Variants in SENP1 observed in about 807,000 individuals in gnomAD.
SENP1 encodes SUMO specific peptidase 1, also known as sentrin-specific protease 1.
In SENP1, 21 loss-of-function variants were observed where a neutral mutation model predicts 93.0. The ratio of observed to expected loss-of-function variants is 0.23; its 90% CI spans 0.16 to 0.33. The LOEUF (loss-of-function observed/expected upper bound fraction) is 0.33, where lower values mean the gene tolerates loss of function less well. SENP1 is among the 10% of genes least tolerant of loss of function. The pLI is 1.00. For missense variants in SENP1, 591 were observed against 758.7 expected (o/e 0.78, Z 2.60); for synonymous variants, 256 against 259.6 (o/e 0.99, Z 0.13).
At chr12:48,093,786 G>T (rs975644394) in intron 4 of SENP1, among the ~76,000 whole-genome samples, 8 of 150,820 alleles carry the variant, frequency 5.3e-5, no homozygotes, top group African/African-American at 1.9e-4. Context: ...ACAACATGGC[G>T]AAACTCCGTC....
In SENP1 at chr12:48,066,836, A is replaced by G. The variant is rs1046143329; in HGVS notation, c.1034+91T>C. The G allele has an allele frequency of 6.3e-6, 7 of 1,106,854 alleles. No individual in the cohort carries two copies. The African/African-American group carries it at 9.4e-5, about 15-fold the overall frequency. 68.6% of individuals were successfully genotyped at this position (1,106,854 alleles called of 1,614,324 possible). A position where few individuals can be genotyped will look rare whatever the true frequency, so the allele number is the denominator to read the frequency against. ...CTAAACAGGTACTTCTTATTGGCAA[A>G]AAATAAGCAGGATGATTAGCTAATT... On this transcript the variant is annotated intron_variant, in intron 10 of 17. Coordinates refer to ENST00000549518, the MANE Select transcript of SENP1 (RefSeq NM_001267594.2).
chr12:48,051,297 T>A (rs1941798971), intron 13 of SENP1, among the ~76,000 whole-genome samples: 1 of 152,158 alleles, frequency 6.6e-6, no homozygotes, highest in Admixed American at 6.5e-5. Flanking sequence ...CACCATGGTA[T>A]CTGTTCCCTT....
intron 1 of SENP1, chr12:48,105,485 C>T: frequency 3.9e-6 from 2 of 519,052 alleles, no homozygotes; most frequent in Non-Finnish European, 7.7e-6. Flanking sequence ...ACGTTTCTTT[C>T]TGATGGTGGC....
chr12:48,090,059 C>T (rs1945123513), intron 4 of SENP1, among the ~76,000 whole-genome samples: 1 of 152,172 alleles, frequency 6.6e-6, no homozygotes, highest in African/African-American at 2.4e-5. Context: ...GGTATTAGCA[C>T]TTGTTAATTC....
intron 10 of SENP1, among the ~76,000 whole-genome samples, chr12:48,065,889 G>A (rs908101367): frequency 3.9e-5 from 6 of 152,108 alleles, no homozygotes; most frequent in African/African-American, 1.4e-4. Flanking sequence ...TTTTTATAGA[G>A]ATAGGGTCTC....
chr12:48,093,653 G>T (rs150835856), intron 4 of SENP1, among the ~76,000 whole-genome samples: 231 of 150,920 alleles, frequency 1.5e-3, no homozygotes, highest in Admixed American at 6.1e-3. Flanking sequence ...TTGGATTTTG[G>T]AATTGCACAT....
At chr12:48,080,916 C>A (rs1394876849) in intron 6 of SENP1, among the ~76,000 whole-genome samples, 3 of 152,166 alleles carry the variant, frequency 2.0e-5, no homozygotes, top group African/African-American at 7.2e-5. Flanking sequence ...GAGAACTCCA[C>A]CTTCATGTTC....
intron 16 of SENP1, 70 bp from the exon 17 acceptor site, chr12:48,046,521 C>T (rs1171654839): frequency 1.9e-6 from 2 of 1,079,060 alleles, no homozygotes; most frequent in Non-Finnish European, 2.9e-6. Context: ...AAAATAAGAA[C>T]CAAAAGATAT....
At chr12:48,090,428 T>C (rs897835589) in intron 4 of SENP1, among the ~76,000 whole-genome samples, 1 of 152,138 alleles carries the variant, frequency 6.6e-6, no homozygotes, top group African/African-American at 2.4e-5. Context: ...CTCAACGGCA[T>C]GTGACAGAGA....
intron 3 of SENP1, chr12:48,097,635 A>C (rs1253836299): frequency 6.2e-6 from 1 of 161,258 alleles, no homozygotes; most frequent in Non-Finnish European, 1.4e-5. Flanking sequence ...CAGGCATTAT[A>C]GCACAGACAT....
intron 2 of SENP1, among the ~76,000 whole-genome samples, chr12:48,100,052 A>C (rs1196083019): frequency 6.6e-6 from 1 of 152,220 alleles, no homozygotes; most frequent in African/African-American, 2.4e-5. Flanking sequence ...AGGAGAAGGC[A>C]GACTAAGGAA....
In SENP1 at chr12:48,096,378, G is replaced by T. The variant is rs759032437; in HGVS notation, c.185C>A (p.Thr62Lys). 4.3e-6 allele frequency: 7 copies of T among 1,610,064 alleles called. No homozygotes were observed. Among genetic ancestry groups the T allele is most frequent in the Non-Finnish European group, 1.7e-6 (2 of 1,176,596 alleles). ...GCTTGGATTATAAGCTGCACTTCTT[G>T]TGGAACATGTAAAAGATCGGTCCAA... ...GHLDRSFTCS[T>K]RSAAYNPSYY... Residue 62 changes from threonine to lysine, a missense_variant, in exon 4 of 18, where the codon ACA becomes AAA. By Grantham distance (78) the Thr-to-Lys change is moderately conservative (BLOSUM62 -1). Around this residue, in one of 4 missense-constraint regions of SENP1, gnomAD observed 214 missense variants for 243.4 expected, o/e 0.88. Transcript: ENST00000549518.
chr12:48,101,635 A>C, intron 1 of SENP1, 119 bp from the exon 2 acceptor site: 1 of 587,904 alleles, frequency 1.7e-6, no homozygotes, highest in Non-Finnish European at 2.9e-6. Context: ...GAAAAATCTA[A>C]GGTGGTAAAG....
intron 14 of SENP1, among the ~76,000 whole-genome samples, chr12:48,048,322 A>C (rs10875732): frequency 0.17 from 25,560 of 152,204 alleles, 2,489 homozygotes; most frequent in East Asian, 0.28. Context: ...GCCTTTTTCT[A>C]ATGTTCATTC....
chr12:48,098,643 CAAA>C (rs749908469), intron 2 of SENP1, among the ~76,000 whole-genome samples: 4 of 109,328 alleles, frequency 3.7e-5, no homozygotes, highest in Admixed American at 9.3e-5. Flanking sequence ...AACTCCATCT[CAAA>C]AAAAAAAAAA....
chr12:48,053,629 C>A (rs545540481), intron 13 of SENP1, among the ~76,000 whole-genome samples: 2 of 152,126 alleles, frequency 1.3e-5, no homozygotes, highest in African/African-American at 4.8e-5. Context: ...AGAATATGCT[C>A]TCTACACACC....
At chr12:48,050,047 C>T (rs1477826389) in intron 13 of SENP1, among the ~76,000 whole-genome samples, 1 of 152,100 alleles carries the variant, frequency 6.6e-6, no homozygotes, top group Non-Finnish European at 1.5e-5. Context: ...TCCATTAGGT[C>T]CAGGACTCTT....
At chr12:48,094,861 C>G (rs1482204928) in intron 4 of SENP1, among the ~76,000 whole-genome samples, 2 of 152,036 alleles carry the variant, frequency 1.3e-5, no homozygotes. Flanking sequence ...CAAACATAGC[C>G]TGAGTTCAAA....
At chr12:48,060,186 T>C (rs113991290) in intron 13 of SENP1, among the ~76,000 whole-genome samples, 1 of 152,222 alleles carries the variant, frequency 6.6e-6, no homozygotes, top group East Asian at 1.9e-4. Flanking sequence ...GTCTGAAAAT[T>C]GTTGTTTCAT....
Sources: gnomAD v4.1 joint callset for allele counts (sites outside exome capture counted in the v4.1 genomes callset) on GRCh38, gnomAD v4.1.1 for gene constraint, gnomAD v4.1.1 regional missense constraint, MANE v1.5 for transcripts, NCBI Gene and HGNC (gene_info 2026-07-23, HGNC 2026-07-21) for gene names.